Variants in TYRP1 observed in about 807,000 individuals in gnomAD.
TYRP1 encodes tyrosinase related protein 1.
A neutral mutation model predicts 42.8 loss-of-function variants in TYRP1; 49 were observed. The ratio of observed to expected loss-of-function variants is 1.14; its 90% confidence interval spans 0.91 to 1.45. The LOEUF is 1.45. TYRP1 is among the 40% of genes most tolerant of loss of function. The pLI, the probability that TYRP1 is intolerant of heterozygous loss-of-function variation, is 0.00. For synonymous variants in TYRP1, 279 were observed against 235.4 expected, an observed-to-expected ratio of 1.19 and a Z score of -1.69; for missense variants, 848 against 662.0, an observed-to-expected ratio of 1.28 and a Z score of -3.08.
At chr9:12,708,302 T>TTTG (rs1313536137) in intron 7 of TYRP1, among the ~76,000 whole-genome samples, 159 bp downstream of exon 7, 25 of 151,974 alleles carry the variant, frequency 1.6e-4, no homozygotes, top group Non-Finnish European at 2.9e-4. Flanking sequence ...GAATTTGATA[T>TTTG]TTGTTGAGAG....
intron 6 of TYRP1, among the ~76,000 whole-genome samples, chr9:12,705,295 T>A (rs1818240303): frequency 6.6e-6 from 1 of 152,096 alleles, no homozygotes; most frequent in South Asian, 2.1e-4. Context: ...AGGCTAGCAT[T>A]ATTTTTCAAA....
At chr9:12,701,141 C>T (rs966477820) in intron 4 of TYRP1, among the ~76,000 whole-genome samples, 1 of 151,914 alleles carries the variant, frequency 6.6e-6, no homozygotes. Context: ...ATCACCTCTC[C>T]TCCCACCCAT....
rs774836325 is a variant in TYRP1, at chr9:12,698,503, G to A, written c.761G>A (p.Gly254Glu). 3 of 1,613,648 alleles carry A rather than the reference G, an allele frequency of 1.9e-6. No individual in the cohort carries two copies. The highest frequency in any genetic ancestry group is 2.5e-6 in the Non-Finnish European group (3 of 1,179,820). Residue 254 changes from glycine to glutamate, a missense_variant, in exon 4 of 8, where the codon GGG becomes GAG. Gly to Glu is a moderately conservative substitution (Grantham distance 98, BLOSUM62 -2). Transcript: ENST00000388918. ...FSLPYWNFAT[G>E]KNVCDICTDD... ...CTTCCTTACTGGAATTTTGCAACGGGGAAAAATGTCTGTGATATCTGCACG... is the reference window on the plus strand; with the variant it reads ...CTTCCTTACTGGAATTTTGCAACGGAGAAAAATGTCTGTGATATCTGCACG...
chr9:12,705,953 A>G (rs1403691175), intron 6 of TYRP1, among the ~76,000 whole-genome samples: 1 of 152,114 alleles, frequency 6.6e-6, no homozygotes, highest in African/African-American at 2.4e-5. Context: ...CTTTTTTAAA[A>G]GTGAAACAAT....
chr9:12,698,719 C>T, intron 4 of TYRP1, 64 bp downstream of exon 4: 1 of 1,439,868 alleles, frequency 6.9e-7, no homozygotes, highest in Non-Finnish European at 9.7e-7. Flanking sequence ...AAATATGTTG[C>T]CTGAAAGGCC....
In TYRP1 at chr9:12,709,966, T is replaced by G. The variant is rs1004431294; in HGVS notation, c.*784T>G. ...ATCTTAGAGGTCCATGGAGAAGGCATATGGAGAACATGTTTTATACTGCTC... is the reference window on the plus strand; with the variant it reads ...ATCTTAGAGGTCCATGGAGAAGGCAGATGGAGAACATGTTTTATACTGCTC... On this transcript the variant is annotated 3_prime_UTR_variant, in exon 8 of 8. Transcript: ENST00000388918. 4 of 152,004 alleles carry G rather than the reference T, an allele frequency of 2.6e-5. No individual in the cohort carries two copies. Among genetic ancestry groups the G allele is most frequent in the African/African-American group, 9.7e-5 (4 of 41,424 alleles). 9.4% of individuals were successfully genotyped at this position (152,004 alleles called of 1,614,324 possible). A position where few individuals can be genotyped will look rare whatever the true frequency, so the allele number is the denominator to read the frequency against.
In TYRP1 at chr9:12,709,009, A is replaced by G. The variant is rs762361114; in HGVS notation, c.1441A>G (p.Ile481Val). The G allele has an allele frequency of 5.0e-6, 8 of 1,612,550 alleles. No individual in the cohort carries two copies. The highest frequency in any genetic ancestry group is 4.0e-5 in the African/African-American group (3 of 74,830). The change falls in exon 8 of 8, where the codon ATA becomes GTA. Residue 481 changes from isoleucine to valine, a missense_variant. By Grantham distance (29) the Ile-to-Val change is conservative (BLOSUM62 3). Transcript: ENST00000388918. Reference protein sequence around the residue: ...REFSVPEIIAIAVVGALLLVA... With the variant: ...REFSVPEIIAVAVVGALLLVA... The stretch of plus-strand genomic sequence containing the variant: ...GTTTAGTGTACCTGAGATAATTGCC[A>G]TAGCAGTAGTTGGCGCTTTGTTACT...
Position 12,709,296 on chromosome 9 carries a change from A to G in TYRP1, c.*114A>G, listed in dbSNP as rs1052728011. On this transcript the variant is annotated 3_prime_UTR_variant, in exon 8 of 8. Coordinates refer to ENST00000388918, the MANE Select transcript of TYRP1 (RefSeq NM_000550.3). Reference sequence around the variant, plus strand: ...TTATTACCTTCTTTCTAATACAAGCATATGTTAGCATTAAAGTTCTAGGCA... The same window carrying G: ...TTATTACCTTCTTTCTAATACAAGCGTATGTTAGCATTAAAGTTCTAGGCA... 9 of 1,094,314 alleles carry G rather than the reference A, an allele frequency of 8.2e-6. No homozygotes were observed. Among genetic ancestry groups the G allele is most frequent in the Admixed American group, 1.8e-5 (1 of 55,064 alleles). The allele number at this position is 1,094,314 out of a possible 1,614,324, so 67.8% of individuals were successfully genotyped here. A position where few individuals can be genotyped will look rare whatever the true frequency, so the allele number is the denominator to read the frequency against.
At chr9:12,706,243 T>G (rs891896671) in intron 6 of TYRP1, among the ~76,000 whole-genome samples, 2 of 152,012 alleles carry the variant, frequency 1.3e-5, no homozygotes, top group Non-Finnish European at 2.9e-5. Flanking sequence ...TATTCAGTTA[T>G]TCACAATGCC....
At chr9:12,701,293 G>A (rs994024962) in intron 4 of TYRP1, among the ~76,000 whole-genome samples, 1 of 151,638 alleles carries the variant, frequency 6.6e-6, no homozygotes, top group Non-Finnish European at 1.5e-5. Flanking sequence ...ACATACTCCA[G>A]GCAAACTATT....
Position 12,708,119 on chromosome 9 carries a change from T to A in TYRP1, c.1384T>A (p.Tyr462Asn). ...MFVTAPDNLGYTYEIQWPSRE... is the reference protein window; with the variant it reads ...MFVTAPDNLGNTYEIQWPSRE... ...TGTTACTGCTCCAGACAACCTGGGA[T>A]ACACTTATGAAATTCAATGGCCAAG... Residue 462 changes from tyrosine to asparagine, a missense_variant, in exon 7 of 8, where the codon TAC becomes AAC. Tyr to Asn is a moderately radical substitution (Grantham distance 143). Transcript: ENST00000388918. The A allele has an allele frequency of 1.2e-6, 2 of 1,612,768 alleles. No individual in the cohort carries two copies.
At chr9:12,703,699 G>A (rs541238750) in intron 5 of TYRP1, among the ~76,000 whole-genome samples, 2 of 151,668 alleles carry the variant, frequency 1.3e-5, no homozygotes, top group Admixed American at 6.6e-5. Context: ...CTTAGATGAA[G>A]AGAGAACTGG....
rs754642924 is a variant in TYRP1 at position 12,702,305 on chromosome 9, T to C, written c.948T>C (p.Ala316=). Reference sequence around the variant, plus strand: ...ATGGGCCAATTAGGAGAAATCCAGCTGGAAATGTGGCCAGACCAATGGTGC... The same window carrying C: ...ATGGGCCAATTAGGAGAAATCCAGCCGGAAATGTGGCCAGACCAATGGTGC... The part of the protein sequence containing the change: ...TEDGPIRRNP[A]GNVARPMVQR... The change falls in exon 5 of 8, where the codon GCT becomes GCC. Residue 316 remains alanine, a synonymous_variant. Coordinates refer to ENST00000388918, the MANE Select transcript of TYRP1 (RefSeq NM_000550.3). The C allele has an allele frequency of 6.2e-7, 1 of 1,613,076 alleles. No homozygotes were observed. Among genetic ancestry groups the C allele is most frequent in the South Asian group, 1.1e-5 (1 of 91,070 alleles).
intron 4 of TYRP1, 56 bp from the exon 5 acceptor site, chr9:12,702,215 A>G (rs897924732): frequency 3.5e-5 from 56 of 1,585,970 alleles, no homozygotes; most frequent in Non-Finnish European, 4.7e-5. Context: ...TTAAAGAGCG[A>G]CAATAAGAAC....
Position 12,709,212 on chromosome 9 carries a change from T to G in TYRP1, c.*30T>G. 1 of 1,587,964 alleles carries G rather than the reference T, an allele frequency of 6.3e-7. No individual in the cohort carries two copies. The highest frequency in any genetic ancestry group is 2.2e-5 in the East Asian group (1 of 44,722). ...TGCCCTACTCTCTTATGCATTAGTA[T>G]CACAAAACCACCTGGTTGAATATAA... On this transcript the variant is annotated 3_prime_UTR_variant, in exon 8 of 8. Transcript: ENST00000388918.
rs1818334949 is a variant in TYRP1 at position 12,710,080 on chromosome 9, T to G, written c.*898T>G. 6.6e-6 allele frequency: 1 copy of G among 151,778 alleles called. No homozygotes were observed. The highest frequency in any genetic ancestry group is 1.5e-5 in the Non-Finnish European group (1 of 67,814). The allele number at this position is 151,778 out of a possible 1,614,324, so 9.4% of individuals were successfully genotyped here. A position where few individuals can be genotyped will look rare whatever the true frequency, so the allele number is the denominator to read the frequency against. On this transcript the variant is annotated 3_prime_UTR_variant, in exon 8 of 8. Transcript: ENST00000388918. ...TTTATGTATTTTCCAAGTAAAATAT[T>G]AACATATTATTTCATTGGTCTTCTT...
Position 12,709,396 on chromosome 9 carries a change from G to A in TYRP1, c.*214G>A. ...AATTTTCAGTTCTATTTAAAATGGT[G>A]AATGACACTAAACTCCATGATATTT... On this transcript the variant is annotated 3_prime_UTR_variant, in exon 8 of 8. Transcript: ENST00000388918. 1.8e-6 allele frequency: 1 copy of A among 568,216 alleles called. No homozygotes were observed. Among genetic ancestry groups the A allele is most frequent in the South Asian group, 2.0e-5 (1 of 50,118 alleles). The allele number at this position is 568,216 out of a possible 1,614,324, so 35.2% of individuals were successfully genotyped here. A position where few individuals can be genotyped will look rare whatever the true frequency, so the allele number is the denominator to read the frequency against.
At position 12,702,389 on chromosome 9, in the gene TYRP1, G is replaced by T; in HGVS notation, c.1032G>T (p.Thr344=). The change falls in exon 5 of 8, where the codon ACG becomes ACT. Residue 344 remains threonine, a synonymous_variant. Transcript: ENST00000388918. ...GCTTGGAAGTTGGTTTATTTGACAC[G>T]CCTCCTTTTTATTCCAACTCTACAA... ...AQCLEVGLFD[T]PPFYSNSTNS... 6.2e-7 allele frequency: 1 copy of T among 1,612,928 alleles called. No individual in the cohort carries two copies. Among genetic ancestry groups the T allele is most frequent in the Non-Finnish European group, 8.5e-7 (1 of 1,179,386 alleles).
chr9:12,700,461 T>C (rs1459658884), intron 4 of TYRP1: 1 of 152,060 alleles, frequency 6.6e-6, no homozygotes, highest in Non-Finnish European at 1.5e-5. Context: ...TGAATCAACA[T>C]AGAAAAACAC....
Sources: gnomAD v4.1 joint callset for allele counts (sites outside exome capture counted in the v4.1 genomes callset) on GRCh38, gnomAD v4.1.1 for gene constraint, MANE v1.5 for transcripts, NCBI Gene and HGNC (gene_info 2026-07-23, HGNC 2026-07-21) for gene names.